The following CDH18 variants were observed in gnomAD, a reference collection of about 807,000 sequenced individuals.
CDH18 encodes the protein cadherin-18.
A neutral mutation model predicts 67.9 loss-of-function variants in CDH18; 31 were observed. The observed-to-expected ratio is 0.46, with a 90% CI of 0.34 to 0.62. CDH18 has a LOEUF of 0.62. CDH18 is among the 20% of genes least tolerant of loss of function. The pLI, the probability that CDH18 is intolerant of heterozygous loss-of-function variation, is 0.01. For synonymous variants in CDH18, 362 were observed against 347.2 expected (o/e 1.04, Z -0.48); for missense variants, 890 against 975.5 (o/e 0.91, Z 1.17).
chr5:19,851,774 T>C (rs534478480), intron 2 of CDH18, among the ~76,000 whole-genome samples: 1 of 151,972 alleles, frequency 6.6e-6, no homozygotes, highest in African/African-American at 2.4e-5. Context: ...TGTGTATATA[T>C]ATATTCCCCT....
At chr5:19,938,747 T>C (rs567512208) in intron 2 of CDH18, among the ~76,000 whole-genome samples, 1 of 151,476 alleles carries the variant, frequency 6.6e-6, no homozygotes, top group South Asian at 2.1e-4. Flanking sequence ...ATATGCCTTT[T>C]AAAGTTATAA....
At chr5:19,606,274 T>C (rs1175481872) in intron 6 of CDH18, among the ~76,000 whole-genome samples, 1 of 152,126 alleles carries the variant, frequency 6.6e-6, no homozygotes, top group African/African-American at 2.4e-5. Flanking sequence ...CTTTATGTAA[T>C]GTTCAATCAG....
At chr5:19,913,250 T>C (rs867133068) in intron 2 of CDH18, among the ~76,000 whole-genome samples, 22 of 152,124 alleles carry the variant, frequency 1.4e-4, no homozygotes, top group Admixed American at 9.2e-4. Context: ...ATAAATATAA[T>C]GCTCTTCATA....
chr5:20,385,421 A>T (rs1744235363), intron 1 of CDH18, among the ~76,000 whole-genome samples: 1 of 152,124 alleles, frequency 6.6e-6, no homozygotes, highest in South Asian at 2.1e-4. Flanking sequence ...TACATGAAAC[A>T]ATACCCAAAA....
chr5:20,258,411 G>A (rs1200288480), intron 1 of CDH18, among the ~76,000 whole-genome samples: 1 of 151,914 alleles, frequency 6.6e-6, no homozygotes, highest in Non-Finnish European at 1.5e-5. Context: ...ACTATACTTG[G>A]TTTTATTCAG....
intron 1 of CDH18, among the ~76,000 whole-genome samples, chr5:20,425,920 T>C (rs1360314622): frequency 1.3e-5 from 2 of 151,200 alleles, no homozygotes; most frequent in Non-Finnish European, 2.9e-5. Context: ...TTTACATGCA[T>C]TCTCTCCCAG....
At chr5:19,576,636 G>C (rs934537053) in intron 7 of CDH18, among the ~76,000 whole-genome samples, 17 of 152,132 alleles carry the variant, frequency 1.1e-4, no homozygotes, top group African/African-American at 4.1e-4. Context: ...ACACAGGACT[G>C]TGGTTTTGTA....
At chr5:19,625,373 T>C (rs1251595609) in intron 5 of CDH18, among the ~76,000 whole-genome samples, 1 of 152,138 alleles carries the variant, frequency 6.6e-6, no homozygotes, top group Non-Finnish European at 1.5e-5. Flanking sequence ...AGGATCTTTG[T>C]TTACTGTGTT....
intron 1 of CDH18, chr5:20,305,146 G>C: frequency 6.8e-7 from 1 of 1,472,036 alleles, no homozygotes. Context: ...CACTGCCTTT[G>C]CACTGGTGAA....
chr5:19,531,427 A>T (rs914945858), intron 9 of CDH18, among the ~76,000 whole-genome samples: 1 of 152,202 alleles, frequency 6.6e-6, no homozygotes, highest in African/African-American at 2.4e-5. Context: ...ACTTATTAGA[A>T]TGACGGGGAA....
chr5:19,987,677 T>C (rs1799709753), intron 1 of CDH18, among the ~76,000 whole-genome samples: 1 of 152,170 alleles, frequency 6.6e-6, no homozygotes, highest in South Asian at 2.1e-4. Context: ...AGTGCCCCTG[T>C]TTCTATTCTG....
At chr5:20,173,611 A>G (rs568785394) in intron 2 of CDH18, among the ~76,000 whole-genome samples, 7 of 152,188 alleles carry the variant, frequency 4.6e-5, no homozygotes, top group Non-Finnish European at 1.0e-4. Context: ...GCATTTAAAA[A>G]TATCACTGAC....
At chr5:19,830,258 T>C (rs761933496) in intron 3 of CDH18, among the ~76,000 whole-genome samples, 3 of 152,002 alleles carry the variant, frequency 2.0e-5, no homozygotes, top group Non-Finnish European at 4.4e-5. Flanking sequence ...AGACAACTTA[T>C]GCAATGGGAG....
At chr5:19,618,630 T>C (rs1750211924) in intron 5 of CDH18, among the ~76,000 whole-genome samples, 1 of 152,220 alleles carries the variant, frequency 6.6e-6, no homozygotes, top group African/African-American at 2.4e-5. Flanking sequence ...ACTTAATAAC[T>C]AAATCATGTA....
At chr5:20,254,479 G>A (rs566362987) in intron 2 of CDH18, among the ~76,000 whole-genome samples, 1 of 152,236 alleles carries the variant, frequency 6.6e-6, no homozygotes, top group African/African-American at 2.4e-5. Context: ...TAACTTCATA[G>A]GTGCAGAAGA....
At chr5:19,567,386 A>C (rs1459409321) in intron 8 of CDH18, among the ~76,000 whole-genome samples, 1 of 152,172 alleles carries the variant, frequency 6.6e-6, no homozygotes, top group Non-Finnish European at 1.5e-5. Context: ...CAAAAGACCG[A>C]AGTCAGGAAG....
chr5:19,521,296 T>C (rs1746864586), intron 9 of CDH18, among the ~76,000 whole-genome samples: 1 of 152,142 alleles, frequency 6.6e-6, no homozygotes, highest in African/African-American at 2.4e-5. Flanking sequence ...TAAATAATAA[T>C]TGAAATCAAA....
intron 2 of CDH18, among the ~76,000 whole-genome samples, chr5:20,160,544 T>C (rs1398133246): frequency 1.3e-5 from 2 of 152,230 alleles, no homozygotes; most frequent in Non-Finnish European, 2.9e-5. Context: ...ATAAATAGTA[T>C]TTTGAAAGAA....
intron 10 of CDH18, among the ~76,000 whole-genome samples, chr5:19,505,298 A>G (rs1053024122): frequency 2.0e-5 from 3 of 152,110 alleles, no homozygotes; most frequent in Non-Finnish European, 4.4e-5. Context: ...TCCTAATTGA[A>G]TACCCTTTAT....
Sources: gnomAD v4.1 joint callset for allele counts (sites outside exome capture counted in the v4.1 genomes callset) on GRCh38, gnomAD v4.1.1 for gene constraint, MANE v1.5 for transcripts, NCBI Gene and HGNC (gene_info 2026-07-23, HGNC 2026-07-21) for gene names.